The following RAB10 variants were observed in gnomAD, a reference collection of about 807,000 sequenced individuals.
RAB10 encodes ras-related protein Rab-10.
A neutral mutation model predicts 25.7 loss-of-function variants in RAB10; 5 were observed. The observed-to-expected ratio is 0.19, with a 90% confidence interval of 0.10 to 0.41. RAB10 has a LOEUF of 0.41. Among genes scored for constraint, RAB10 ranks in the 10% least tolerant of loss-of-function variants. RAB10 has a pLI of 1.00. For synonymous variants in RAB10, 89 were observed against 86.4 expected (o/e 1.03, Z -0.16); for missense variants, 103 against 245.8 (o/e 0.42, Z 3.89).
chr2:26,043,785 T>G (rs1438357339), intron 1 of RAB10, among the ~76,000 whole-genome samples: 1 of 152,184 alleles, frequency 6.6e-6, no homozygotes, highest in Non-Finnish European at 1.5e-5. Flanking sequence ...AGTTTTAGTT[T>G]GGAAGGATGA....
intron 1 of RAB10, among the ~76,000 whole-genome samples, chr2:26,066,461 T>C: frequency 6.6e-6 from 1 of 152,232 alleles, no homozygotes; most frequent in East Asian, 1.9e-4. Flanking sequence ...CATGCTGCTA[T>C]GAAGAAATAC....
intron 1 of RAB10, among the ~76,000 whole-genome samples, chr2:26,073,303 C>T (rs919609832): frequency 2.0e-5 from 3 of 152,198 alleles, no homozygotes; most frequent in African/African-American, 7.2e-5. Context: ...GCTGTTTTGT[C>T]TGGACTGGAT....
intron 1 of RAB10, among the ~76,000 whole-genome samples, chr2:26,061,324 C>T (rs1410155824): frequency 6.6e-6 from 1 of 151,764 alleles, no homozygotes; most frequent in Non-Finnish European, 1.5e-5. Context: ...GCCATGTTGC[C>T]CAGGCTGGTG....
chr2:26,134,733 A>G (rs1039638154), intron 5 of RAB10, among the ~76,000 whole-genome samples: 3 of 152,222 alleles, frequency 2.0e-5, no homozygotes, highest in Non-Finnish European at 2.9e-5. Context: ...AATGTCTACA[A>G]TATTTCACAG....
At chr2:26,125,247 A>G (rs1559599659) in intron 3 of RAB10, among the ~76,000 whole-genome samples, 1 of 152,080 alleles carries the variant, frequency 6.6e-6, no homozygotes, top group African/African-American at 2.4e-5. Context: ...CGGTTTCTCC[A>G]CATCCTCGCC....
chr2:26,116,866 T>C (rs890382838), intron 3 of RAB10, among the ~76,000 whole-genome samples: 5 of 151,678 alleles, frequency 3.3e-5, no homozygotes, highest in African/African-American at 1.2e-4. Context: ...TTTTTTTTTT[T>C]CTTTTTCTTT....
chr2:26,090,960 C>A (rs975868710), intron 1 of RAB10, among the ~76,000 whole-genome samples: 1 of 148,326 alleles, frequency 6.7e-6, no homozygotes, highest in African/African-American at 2.5e-5. Flanking sequence ...AAAAAAAATT[C>A]TGATATCTCA....
chr2:26,131,336 G>A (rs910189138), intron 5 of RAB10, among the ~76,000 whole-genome samples: 3 of 152,124 alleles, frequency 2.0e-5, no homozygotes, highest in South Asian at 2.1e-4. Context: ...CGAATTTGTT[G>A]TATTGGGCTG....
chr2:26,066,745 T>A (rs1323007861), intron 1 of RAB10, among the ~76,000 whole-genome samples: 1 of 151,324 alleles, frequency 6.6e-6, no homozygotes, highest in African/African-American at 2.4e-5. Context: ...AAGATGACAT[T>A]TGGGTGGGGA....
At chr2:26,110,458 A>G (rs1207707022) in intron 3 of RAB10, among the ~76,000 whole-genome samples, 1 of 152,140 alleles carries the variant, frequency 6.6e-6, no homozygotes, top group African/African-American at 2.4e-5. Flanking sequence ...CTGTATAGCC[A>G]TCTTACAAGA....
At chr2:26,037,085 A>C (rs1381945079) in intron 1 of RAB10, among the ~76,000 whole-genome samples, 2 of 152,138 alleles carry the variant, frequency 1.3e-5, no homozygotes, top group African/African-American at 2.4e-5. Context: ...TGTGTGGTCA[A>C]CTTTAACCTA....
chr2:26,054,330 A>G (rs1270266840), intron 1 of RAB10, among the ~76,000 whole-genome samples: 1 of 151,910 alleles, frequency 6.6e-6, no homozygotes, highest in African/African-American at 2.4e-5. Flanking sequence ...CTGGGATTAC[A>G]GGCTTGAGCC....
intron 1 of RAB10, among the ~76,000 whole-genome samples, chr2:26,083,597 G>A (rs891032725): frequency 7.2e-5 from 11 of 152,112 alleles, no homozygotes; most frequent in East Asian, 5.8e-4. Context: ...TGCAGTAGCC[G>A]GGATTACAAG....
intron 1 of RAB10, among the ~76,000 whole-genome samples, chr2:26,071,831 C>T (rs1201382425): frequency 2.0e-5 from 3 of 151,754 alleles, no homozygotes; most frequent in Admixed American, 6.6e-5. Flanking sequence ...TACACTACTG[C>T]ACTACAGCCT....
chr2:26,094,396 C>T (rs543762791), intron 1 of RAB10, among the ~76,000 whole-genome samples: 2 of 151,602 alleles, frequency 1.3e-5, no homozygotes, highest in East Asian at 1.9e-4. Flanking sequence ...GGATTACAGG[C>T]GCCCACCACC....
intron 1 of RAB10, among the ~76,000 whole-genome samples, chr2:26,064,666 A>C (rs1666477437): frequency 6.6e-6 from 1 of 152,206 alleles, no homozygotes; most frequent in South Asian, 2.1e-4. Flanking sequence ...TTTTTAAATA[A>C]GTAAAAATGA....
rs1013149275 is a variant in RAB10, at chr2:26,120,376, T to C, written c.328-6768T>C. On this transcript the variant is annotated intron_variant, in intron 3 of 5. Coordinates refer to ENST00000264710, the MANE Select transcript of RAB10 (RefSeq NM_016131.5). ...TACTTATACAACTTGCAAAGTTTTA[T>C]GTGTGCTCCTTGGAATTATTGATGT... Among the ~76,000 whole-genome samples, 10 of 152,252 alleles carry C rather than the reference T, an allele frequency of 6.6e-5. 1 individual carries two copies. Among genetic ancestry groups the C allele is most frequent in the Admixed American group, 4.6e-4 (7 of 15,288 alleles).
At chr2:26,048,377 G>A (rs1423538966) in intron 1 of RAB10, among the ~76,000 whole-genome samples, 1 of 152,158 alleles carries the variant, frequency 6.6e-6, no homozygotes, top group Non-Finnish European at 1.5e-5. Context: ...ATTTGATAAT[G>A]TTATCATACT....
At chr2:26,108,342 T>C (rs1667507156) in intron 2 of RAB10, among the ~76,000 whole-genome samples, 2 of 152,220 alleles carry the variant, frequency 1.3e-5, no homozygotes, top group Admixed American at 1.3e-4. Flanking sequence ...ACCAGGATTA[T>C]GTGCAAAACT....
Sources: allele counts gnomAD v4.1 joint callset (sites outside exome capture counted in the v4.1 genomes callset), GRCh38; gene constraint gnomAD v4.1.1; transcripts MANE v1.5; gene names NCBI Gene and HGNC (gene_info 2026-07-23, HGNC 2026-07-21).